APPBP2: variants seen among roughly 807,000 people sequenced by gnomAD.
The protein encoded by APPBP2 is amyloid beta precursor protein binding protein 2.
A neutral mutation model predicts 76.0 loss-of-function variants in APPBP2; 15 were observed. That is an observed-to-expected ratio of 0.20 (90% CI 0.13 to 0.30). The LOEUF (loss-of-function observed/expected upper bound fraction) is 0.30, where lower values mean the gene tolerates loss of function less well. APPBP2 is among the 10% of genes least tolerant of loss of function. APPBP2 has a pLI of 1.00. For synonymous variants in APPBP2, 222 were observed against 242.2 expected, an observed-to-expected ratio of 0.92 and a Z score of 0.77; for missense variants, 401 against 687.2, an observed-to-expected ratio of 0.58 and a Z score of 4.66.
chr17:60,506,623 G>A (rs2090870131), intron 1 of APPBP2, among the ~76,000 whole-genome samples: 1 of 152,090 alleles, frequency 6.6e-6, no homozygotes. Flanking sequence ...ACAGTCATTT[G>A]TTAAATATAT....
intron 1 of APPBP2, among the ~76,000 whole-genome samples, chr17:60,525,388 G>T (rs890078392): frequency 2.0e-5 from 3 of 152,212 alleles, no homozygotes; most frequent in Non-Finnish European, 2.9e-5. Context: ...AGGAATGGGT[G>T]GGGGGAGGAG....
At chr17:60,503,228 G>C (rs1472545411) in intron 1 of APPBP2, among the ~76,000 whole-genome samples, 1 of 145,242 alleles carries the variant, frequency 6.9e-6, no homozygotes, top group Non-Finnish European at 1.5e-5. Context: ...AGCCAGGATG[G>C]TCTCGATTTC....
chr17:60,500,555 G>T, intron 1 of APPBP2, 68 bp from the exon 2 acceptor site: 1 of 1,096,024 alleles, frequency 9.1e-7, no homozygotes, highest in South Asian at 1.4e-5. Context: ...AATCATATTT[G>T]ATAAATGTAA....
rs1257168050 is a variant in APPBP2, at chr17:60,447,308, AAAC to A, written c.*270_*272del. The A allele has an allele frequency of 9.8e-6, 3 of 307,066 alleles. No individual in the cohort carries two copies. The highest frequency in any genetic ancestry group is 6.4e-5 in the African/African-American group (3 of 46,566). 19.0% of individuals were successfully genotyped at this position (307,066 alleles called of 1,614,324 possible). A position where few individuals can be genotyped will look rare whatever the true frequency, so the allele number is the denominator to read the frequency against. ...GCTTTCTGCAAAATGAATTTTTTAA[AAAC>A]AACAAAAAAAAGATTTCCTGTTGTT... On this transcript the variant is annotated 3_prime_UTR_variant, in exon 13 of 13. Transcript: ENST00000083182.
At chr17:60,501,277 T>C (rs1345917182) in intron 1 of APPBP2, among the ~76,000 whole-genome samples, 1 of 152,080 alleles carries the variant, frequency 6.6e-6, no homozygotes, top group Non-Finnish European at 1.5e-5. Context: ...TGACACCCTG[T>C]CTCTAGAATA....
rs544345560 is a variant in APPBP2, at chr17:60,500,225, A to G, written c.227+174T>C. 1.7e-4 allele frequency among the ~76,000 whole-genome samples: 26 copies of G among 152,096 alleles called. No individual in the cohort carries two copies. In the South Asian group the frequency reaches 5.0e-3, roughly 29 times the overall value. On this transcript the variant is annotated intron_variant, in intron 2 of 12. Transcript: ENST00000083182. ...CAGGGTTTCATCACGTTAGCCAGGA[A>G]GGTCTCGATCTGACCTCGTGATCTG...
intron 1 of APPBP2, among the ~76,000 whole-genome samples, chr17:60,505,894 G>A (rs1345914767): frequency 2.0e-5 from 3 of 150,508 alleles, no homozygotes; most frequent in Non-Finnish European, 4.4e-5. Flanking sequence ...ATGTTGGCCA[G>A]GCTGTTCTCG....
In APPBP2 at chr17:60,490,157, C is replaced by T. The variant is rs112566034; in HGVS notation, c.379+4309G>A. ...TTGTACGACTCTACATGGAATCCACCGCACAGACACACATACAAACAAATG... is the reference window on the plus strand; with the variant it reads ...TTGTACGACTCTACATGGAATCCACTGCACAGACACACATACAAACAAATG... On this transcript the variant is annotated intron_variant, in intron 3 of 12. Coordinates refer to ENST00000083182, the MANE Select transcript of APPBP2 (RefSeq NM_006380.5). 3.3e-3 allele frequency among the ~76,000 whole-genome samples: 503 copies of T among 152,250 alleles called. 1 individual carries two copies. The highest frequency in any genetic ancestry group is 0.012 in the African/African-American group (480 of 41,542).
intron 4 of APPBP2, among the ~76,000 whole-genome samples, chr17:60,472,036 G>A (rs557520580): frequency 6.6e-6 from 1 of 152,320 alleles, no homozygotes; most frequent in African/African-American, 2.4e-5. Context: ...TGAGGCAGGA[G>A]AATCGCTTGA....
intron 1 of APPBP2, among the ~76,000 whole-genome samples, chr17:60,503,896 C>G (rs746583860): frequency 1.3e-5 from 2 of 152,004 alleles, no homozygotes; most frequent in Non-Finnish European, 2.9e-5. Context: ...GGAATCTTAC[C>G]CAGGCAGTCT....
At chr17:60,458,728 A>G (rs73326436) in intron 9 of APPBP2, among the ~76,000 whole-genome samples, 12,426 of 152,014 alleles carry the variant, frequency 0.082, 1,687 homozygotes, top group African/African-American at 0.28. Context: ...TTAATCATAT[A>G]AAGAACACAT....
At chr17:60,525,398 G>A (rs1360382602) in intron 1 of APPBP2, among the ~76,000 whole-genome samples, 1 of 152,186 alleles carries the variant, frequency 6.6e-6, no homozygotes, top group Non-Finnish European at 1.5e-5. Context: ...GGGGGGAGGA[G>A]CACGGAAAAA....
At chr17:60,505,676 G>GGTTTTTTT (rs2090861076) in intron 1 of APPBP2, among the ~76,000 whole-genome samples, 1 of 85,716 alleles carries the variant, frequency 1.2e-5, no homozygotes, top group African/African-American at 7.7e-5. Context: ...GACCCCTGCG[G>GGTTTTTTT]TTTTTTTTTT....
intron 4 of APPBP2, among the ~76,000 whole-genome samples, chr17:60,467,142 G>T (rs530643887): frequency 1.4e-3 from 211 of 149,872 alleles, no homozygotes; most frequent in African/African-American, 4.8e-3. Context: ...TGTTAGGACT[G>T]GACAAATATT....
intron 1 of APPBP2, among the ~76,000 whole-genome samples, chr17:60,510,159 T>G (rs986879188): frequency 1.3e-5 from 2 of 151,466 alleles, no homozygotes; most frequent in African/African-American, 4.9e-5. Flanking sequence ...TCCCAGCAAT[T>G]TGGCAAGCCG....
chr17:60,519,281 T>C (rs1344390942), intron 1 of APPBP2, among the ~76,000 whole-genome samples: 1 of 152,090 alleles, frequency 6.6e-6, no homozygotes, highest in African/African-American at 2.4e-5. Context: ...TTATAGTGTT[T>C]GACATTTTCA....
intron 1 of APPBP2, among the ~76,000 whole-genome samples, chr17:60,520,568 G>GT (rs2091001240): frequency 9.4e-6 from 1 of 106,232 alleles, no homozygotes; most frequent in African/African-American, 5.7e-5. Flanking sequence ...ACAAGACTCT[G>GT]TTAAAAAAAA....
At chr17:60,495,467 T>C (rs1567934624) in intron 2 of APPBP2, among the ~76,000 whole-genome samples, 1 of 149,964 alleles carries the variant, frequency 6.7e-6, no homozygotes, top group Non-Finnish European at 1.5e-5. Flanking sequence ...TATTTATTTA[T>C]TTATTTATTT....
chr17:60,462,086 A>C, intron 6 of APPBP2, 25 bp from the exon 7 acceptor site: 6 of 1,564,726 alleles, frequency 3.8e-6, no homozygotes, highest in Non-Finnish European at 4.4e-6. Flanking sequence ...AAAAATGGTT[A>C]ACTCTCAAAC....
Sources: gnomAD v4.1 joint callset for allele counts (sites outside exome capture counted in the v4.1 genomes callset) on GRCh38, gnomAD v4.1.1 for gene constraint, MANE v1.5 for transcripts, NCBI Gene and HGNC (gene_info 2026-07-23, HGNC 2026-07-21) for gene names.